Variants in MYOM1 observed in about 807,000 individuals in gnomAD.
MYOM1 encodes the protein myomesin 1, also known as myomesin-1.
Under a neutral mutation model 205.3 loss-of-function variants are expected in MYOM1, and 164 were observed. The ratio of observed to expected loss-of-function variants is 0.80; its 90% confidence interval spans 0.70 to 0.91. The LOEUF (loss-of-function observed/expected upper bound fraction) is 0.91, where lower values mean the gene tolerates loss of function less well. Ranked by LOEUF, MYOM1 falls within the 40% of genes least tolerant of loss-of-function variation. MYOM1 has a pLI of 0.00. For missense variants in MYOM1, 2,011 were observed against 2,127.3 expected (o/e 0.95, Z 1.08); for synonymous variants, 772 against 789.4 (o/e 0.98, Z 0.37).
intron 26 of MYOM1, among the ~76,000 whole-genome samples, chr18:3,091,176 T>C (rs1021611402): frequency 2.0e-5 from 3 of 151,812 alleles, no homozygotes; most frequent in African/African-American, 7.3e-5. Context: ...ATTAGCCTGG[T>C]GTGGTGGGAT....
At chr18:3,157,975 T>C (rs1275008016) in intron 10 of MYOM1, among the ~76,000 whole-genome samples, 2 of 152,026 alleles carry the variant, frequency 1.3e-5, no homozygotes, top group Non-Finnish European at 2.9e-5. Context: ...TACTACTCTT[T>C]ATATTTTGAC....
chr18:3,126,991 A>T, intron 18 of MYOM1, 94 bp from the exon 19 acceptor site: 1 of 1,143,516 alleles, frequency 8.7e-7, no homozygotes, highest in Non-Finnish European at 1.2e-6. Context: ...AGGGCACTAG[A>T]TCTTGCAGTA....
At chr18:3,177,445 C>CATTATTATTATTATTATT (rs138933689) in intron 5 of MYOM1, among the ~76,000 whole-genome samples, 77 of 139,260 alleles carry the variant, frequency 5.5e-4, no homozygotes, top group East Asian at 2.5e-3. Context: ...GAAGCAATAT[C>CATTATTATTATTATTATT]ATTATTATTA....
intron 9 of MYOM1, 72 bp from the exon 10 acceptor site, chr18:3,164,511 T>C: frequency 7.3e-7 from 1 of 1,369,766 alleles, no homozygotes; most frequent in African/African-American, 1.5e-5. Flanking sequence ...TCCCCTCCAT[T>C]CCTCTCCTTA....
intron 20 of MYOM1, among the ~76,000 whole-genome samples, chr18:3,119,560 T>A (rs1007621481): frequency 3.3e-5 from 5 of 152,188 alleles, no homozygotes; most frequent in Admixed American, 6.5e-5. Context: ...AAACAAAGAT[T>A]GGAATTCCTT....
intron 2 of MYOM1, among the ~76,000 whole-genome samples, chr18:3,201,234 A>G (rs2081062940): frequency 6.6e-6 from 1 of 152,042 alleles, no homozygotes; most frequent in Non-Finnish European, 1.5e-5. Context: ...CCCTGCCTCT[A>G]CTAAAAATAC....
chr18:3,114,380 CTT>C (rs142123823), intron 21 of MYOM1, among the ~76,000 whole-genome samples: 122,338 of 141,302 alleles, frequency 0.87, 53,405 homozygotes, highest in East Asian at 0.97. Flanking sequence ...TCTATTTTCC[CTT>C]TTTTTTTTTT....
chr18:3,238,067 A>G, the MYOM1 span, among the ~76,000 whole-genome samples: 1 of 152,184 alleles, frequency 6.6e-6, no homozygotes, highest in South Asian at 2.1e-4. Context: ...ATTACATTGT[A>G]ATATATAATG....
At chr18:3,136,378 C>G (rs903739157) in intron 14 of MYOM1, among the ~76,000 whole-genome samples, 1 of 151,794 alleles carries the variant, frequency 6.6e-6, no homozygotes, top group Non-Finnish European at 1.5e-5. Flanking sequence ...TTTTGAGGAT[C>G]GTTTGGGGTC....
At chr18:3,197,829 C>T (rs906345039) in intron 2 of MYOM1, among the ~76,000 whole-genome samples, 4 of 152,036 alleles carry the variant, frequency 2.6e-5, no homozygotes, top group African/African-American at 7.3e-5. Context: ...GCCGAGATCG[C>T]ACCACTGCAC....
chr18:3,095,291 G>A (rs543951604), intron 25 of MYOM1, among the ~76,000 whole-genome samples: 15 of 152,188 alleles, frequency 9.9e-5, no homozygotes, highest in South Asian at 4.1e-4. Context: ...ATATAAGGCC[G>A]GGCATGGTGG....
At chr18:3,133,572 T>C (rs2079908471) in intron 16 of MYOM1, among the ~76,000 whole-genome samples, 2 of 152,182 alleles carry the variant, frequency 1.3e-5, no homozygotes, top group African/African-American at 4.8e-5. Context: ...TGTCCAGAAT[T>C]TGTAAAATTT....
the MYOM1 span, among the ~76,000 whole-genome samples, chr18:3,225,223 G>A: frequency 7.9e-5 from 12 of 151,620 alleles, no homozygotes; most frequent in East Asian, 1.4e-3. Context: ...TCCTGACCTC[G>A]TGATCTGCCC....
intron 13 of MYOM1, among the ~76,000 whole-genome samples, chr18:3,144,696 A>G (rs1175364597): frequency 6.6e-6 from 1 of 152,232 alleles, no homozygotes; most frequent in Non-Finnish European, 1.5e-5. Context: ...TATTAAAAGT[A>G]GATTTCCAAG....
rs1056885918 is a variant in MYOM1 at position 3,150,574 on chromosome 18, G to C, written c.1843+1120C>G. Among the ~76,000 whole-genome samples, 22 of 152,208 alleles carry C rather than the reference G, an allele frequency of 1.4e-4. 1 individual carries two copies. The highest frequency in any genetic ancestry group is 1.2e-3 in the Admixed American group (19 of 15,286). On this transcript the variant is annotated intron_variant, in intron 12 of 37. Coordinates refer to ENST00000356443, the MANE Select transcript of MYOM1 (RefSeq NM_003803.4). Reference sequence around the variant, plus strand: ...TCCTGCAATGAACAGAACACCCCTAGCCACCTCCCACAACAACAAAGAATT... The same window carrying C: ...TCCTGCAATGAACAGAACACCCCTACCCACCTCCCACAACAACAAAGAATT...
rs2079663175 is a variant in MYOM1 at position 3,119,981 on chromosome 18, C to G, written c.3006G>C (p.Lys1002Asn). 2 of 1,600,232 alleles carry G rather than the reference C, an allele frequency of 1.2e-6. No individual in the cohort carries two copies. The highest frequency in any genetic ancestry group is 1.7e-6 in the Non-Finnish European group (2 of 1,172,854). Residue 1002 changes from lysine (K) to asparagine (N), a missense_variant, in exon 20 of 38, where the codon AAG becomes AAC. Transcript: ENST00000356443. ...SEEAYKISNL[K>N]ENMVYQFQVA... ...CTTGGAACTGATACACCATGTTTTC[C>G]TTCAAGTTGCTAATCTGCAACATTG...
At chr18:3,183,275 C>A (rs907486298) in intron 5 of MYOM1, among the ~76,000 whole-genome samples, 4 of 152,236 alleles carry the variant, frequency 2.6e-5, no homozygotes, top group Non-Finnish European at 5.9e-5. Context: ...AGGCTCCCTG[C>A]TGCTGTCAGA....
intron 22 of MYOM1, among the ~76,000 whole-genome samples, chr18:3,108,270 G>C (rs899746032): frequency 2.6e-5 from 4 of 152,184 alleles, no homozygotes; most frequent in African/African-American, 4.8e-5. Context: ...TATGCAGTGG[G>C]AAGGGAGAAC....
At chr18:3,076,997 C>T (rs1026974409) in intron 34 of MYOM1, among the ~76,000 whole-genome samples, 15 of 151,444 alleles carry the variant, frequency 9.9e-5, no homozygotes, top group African/African-American at 2.9e-4. Context: ...CAGGCGTGAG[C>T]CACAGCTCCC....
Sources: gnomAD v4.1 joint callset for allele counts (sites outside exome capture counted in the v4.1 genomes callset) on GRCh38, gnomAD v4.1.1 for gene constraint, MANE v1.5 for transcripts, NCBI Gene and HGNC (gene_info 2026-07-23, HGNC 2026-07-21) for gene names.